Variants in STRADB observed in about 807,000 individuals in gnomAD.
STRADB encodes the protein STE20-related kinase adapter protein beta.
STRADB carries 34 observed loss-of-function variants against 52.1 expected under a neutral mutation model. The ratio of observed to expected loss-of-function variants is 0.65; its 90% confidence interval spans 0.50 to 0.87. STRADB has a LOEUF of 0.87. Among genes scored for constraint, STRADB ranks in the 40% least tolerant of loss-of-function variants. The pLI, the probability that STRADB is intolerant of heterozygous loss-of-function variation, is 0.00. For synonymous variants in STRADB, 133 were observed against 174.5 expected (o/e 0.76, Z 1.87); for missense variants, 340 against 483.9 (o/e 0.70, Z 2.79).
At chr2:201,471,577 A>G (rs1952389455) in intron 4 of STRADB, among the ~76,000 whole-genome samples, 1 of 152,168 alleles carries the variant, frequency 6.6e-6, no homozygotes, top group South Asian at 2.1e-4. Context: ...TGAGTCATAC[A>G]GTTAGTGATT....
chr2:201,467,515 C>T lies in STRADB; in HGVS notation c.94-2438C>T, dbSNP rs1018370117. 3.9e-5 allele frequency among the ~76,000 whole-genome samples: 6 copies of T among 152,188 alleles called. No individual in the cohort carries two copies. The South Asian group carries it at 1.0e-3, about 26-fold the overall frequency. The stretch of plus-strand genomic sequence containing the variant: ...CACCGGTTACTCCATATTTCTTAGG[C>T]GGAACTGAAATCTACTTCCTGGAGC... On this transcript the variant is annotated intron_variant, in intron 3 of 11. Coordinates refer to ENST00000194530, the MANE Select transcript of STRADB (RefSeq NM_018571.6).
intron 2 of STRADB, among the ~76,000 whole-genome samples, chr2:201,455,607 A>G (rs1364364416): frequency 6.6e-6 from 1 of 152,000 alleles, no homozygotes; most frequent in East Asian, 1.9e-4. Context: ...TCAGAGGGTT[A>G]AGGTGGGAGG....
intron 2 of STRADB, among the ~76,000 whole-genome samples, chr2:201,455,314 C>T (rs961857793): frequency 1.6e-4 from 25 of 151,970 alleles, no homozygotes; most frequent in African/African-American, 6.0e-4. Flanking sequence ...TATTTAGATC[C>T]GTGGTATCTA....
Position 201,454,738 on chromosome 2 carries a change from T to A in STRADB, c.-95-8T>A. Reference sequence around the variant, plus strand: ...GAATCTAAATTATTTTGCTTTTGTTTTTTATAGTAGGATATATCTGCATCT... The same window carrying A: ...GAATCTAAATTATTTTGCTTTTGTTATTTATAGTAGGATATATCTGCATCT... On this transcript the variant is annotated splice_polypyrimidine_tract_variant and splice_region_variant and intron_variant, in intron 1 of 11. Coordinates refer to ENST00000194530, the MANE Select transcript of STRADB (RefSeq NM_018571.6). The A allele has an allele frequency of 8.5e-7, 1 of 1,179,714 alleles. No individual in the cohort carries two copies. Among genetic ancestry groups the A allele is most frequent in the Admixed American group, 2.4e-5 (1 of 41,212 alleles). 73.1% of individuals were successfully genotyped at this position (1,179,714 alleles called of 1,614,324 possible).
At chr2:201,469,253 G>C (rs936870850) in intron 3 of STRADB, among the ~76,000 whole-genome samples, 5 of 152,142 alleles carry the variant, frequency 3.3e-5, no homozygotes, top group African/African-American at 9.7e-5. Flanking sequence ...CTTTGGAGTA[G>C]TTATGTCCAT....
At chr2:201,457,774 C>T (rs1952148921) in intron 2 of STRADB, among the ~76,000 whole-genome samples, 1 of 152,156 alleles carries the variant, frequency 6.6e-6, no homozygotes, top group African/African-American at 2.4e-5. Flanking sequence ...AATCCCAGCA[C>T]TTTGGAAGGC....
intron 2 of STRADB, chr2:201,457,566 A>G (rs1164648113): frequency 2.6e-5 from 4 of 152,236 alleles, no homozygotes; most frequent in African/African-American, 9.6e-5. Context: ...TAACTGGGAC[A>G]ATGACTAGTT....
At chr2:201,473,118 TC>T (rs1156295655) in intron 5 of STRADB, 42 bp downstream of exon 5, 4 of 1,563,440 alleles carry the variant, frequency 2.6e-6, no homozygotes, top group Middle Eastern at 1.7e-4. Flanking sequence ...GGCCTCTGTA[TC>T]CACTGGTTCC....
At chr2:201,473,645 T>G (rs1214063248) in intron 5 of STRADB, among the ~76,000 whole-genome samples, 1 of 152,186 alleles carries the variant, frequency 6.6e-6, no homozygotes, top group African/African-American at 2.4e-5. Context: ...CAAATGAATA[T>G]CATATTCAAA....
intron 3 of STRADB, among the ~76,000 whole-genome samples, chr2:201,467,017 T>G (rs1574286271): frequency 6.6e-6 from 1 of 152,112 alleles, no homozygotes; most frequent in African/African-American, 2.4e-5. Flanking sequence ...TGATGTAGGG[T>G]CTGTTCCTCA....
intron 1 of STRADB, among the ~76,000 whole-genome samples, chr2:201,453,153 A>G (rs929439736): frequency 6.6e-6 from 1 of 151,716 alleles, no homozygotes. Context: ...AAACCACCCC[A>G]TAGGGACAAC....
chr2:201,468,592 T>C (rs61695176), intron 3 of STRADB, among the ~76,000 whole-genome samples: 9,974 of 152,254 alleles, frequency 0.066, 409 homozygotes, highest in African/African-American at 0.11. Context: ...ATTTACAACA[T>C]GTGTCCCTTC....
intron 3 of STRADB, among the ~76,000 whole-genome samples, chr2:201,464,249 G>A (rs1952262793): frequency 6.6e-6 from 1 of 152,086 alleles, no homozygotes; most frequent in East Asian, 1.9e-4. Context: ...AGTATTCACA[G>A]GGAATTGAGT....
intron 5 of STRADB, 95 bp downstream of exon 5, chr2:201,473,171 T>A: frequency 1.8e-6 from 2 of 1,098,116 alleles, no homozygotes; most frequent in Non-Finnish European, 2.4e-6. Context: ...AAATATATAT[T>A]TTAAAATAAA....
intron 9 of STRADB, 62 bp downstream of exon 9, chr2:201,478,253 A>C (rs868537823): frequency 1.9e-6 from 3 of 1,590,046 alleles, no homozygotes; most frequent in Non-Finnish European, 2.6e-6. Flanking sequence ...ATTCTAGATA[A>C]TTTCTGTTAA....
chr2:201,462,538 G>A (rs1331962855), intron 3 of STRADB, among the ~76,000 whole-genome samples: 1 of 151,544 alleles, frequency 6.6e-6, no homozygotes, highest in Non-Finnish European at 1.5e-5. Flanking sequence ...TTTTTATTTT[G>A]TTGTGTGTGT....
chr2:201,474,505 T>G, intron 5 of STRADB, 142 bp from the exon 6 acceptor site: 2 of 597,472 alleles, frequency 3.3e-6, no homozygotes, highest in Non-Finnish European at 5.7e-6. Flanking sequence ...GGAGTGGTTG[T>G]GAGATTTAAA....
intron 10 of STRADB, among the ~76,000 whole-genome samples, 161 bp downstream of exon 10, chr2:201,478,762 GAGA>G (rs1467207341): frequency 6.6e-6 from 1 of 151,982 alleles, no homozygotes; most frequent in Non-Finnish European, 1.5e-5. Context: ...ACAAGCAAAT[GAGA>G]AGAATACTGG....
At chr2:201,460,915 T>C (rs1398981975) in intron 3 of STRADB, 1 of 155,856 alleles carries the variant, frequency 6.4e-6, no homozygotes, top group Non-Finnish European at 1.4e-5. Flanking sequence ...GGTAGTTTTT[T>C]TTTTTTTTTT....
Sources: allele counts gnomAD v4.1 joint callset (sites outside exome capture counted in the v4.1 genomes callset), GRCh38; gene constraint gnomAD v4.1.1; transcripts MANE v1.5; gene names NCBI Gene and HGNC (gene_info 2026-07-23, HGNC 2026-07-21).